VAV3: variants seen among roughly 807,000 people sequenced by gnomAD.
VAV3 encodes the protein vav guanine nucleotide exchange factor 3.
VAV3 carries 94 observed loss-of-function variants against 131.2 expected under a neutral mutation model. That is an observed-to-expected ratio of 0.72 (90% CI 0.61 to 0.85). The LOEUF (loss-of-function observed/expected upper bound fraction) is 0.85, where lower values mean the gene tolerates loss of function less well. Among genes scored for constraint, VAV3 ranks in the 40% least tolerant of loss-of-function variants. The pLI is 0.00. For synonymous variants in VAV3, 349 were observed against 342.0 expected, an observed-to-expected ratio of 1.02 and a Z score of -0.22; for missense variants, 939 against 1,002.7, an observed-to-expected ratio of 0.94 and a Z score of 0.86.
At chr1:107,882,920 C>G (rs1173372282) in intron 1 of VAV3, among the ~76,000 whole-genome samples, 2 of 151,782 alleles carry the variant, frequency 1.3e-5, no homozygotes, top group African/African-American at 4.8e-5. Flanking sequence ...AAATGATGAC[C>G]CTAAAGGACA....
At chr1:107,794,815 T>C (rs1666461179) in intron 2 of VAV3, among the ~76,000 whole-genome samples, 1 of 152,198 alleles carries the variant, frequency 6.6e-6, no homozygotes, top group African/African-American at 2.4e-5. Context: ...TCTGAGTATT[T>C]ACCAAGAACT....
At chr1:107,631,278 A>C (rs1478610946) in intron 20 of VAV3, among the ~76,000 whole-genome samples, 1 of 152,034 alleles carries the variant, frequency 6.6e-6, no homozygotes, top group Non-Finnish European at 1.5e-5. Flanking sequence ...CTAAACCTTT[A>C]TAACTAAAAT....
At position 107,597,384 on chromosome 1, in the gene VAV3, T is replaced by G. The variant is rs567799432; in HGVS notation, c.2221-1043A>C. On this transcript the variant is annotated intron_variant, in intron 24 of 26. Coordinates refer to ENST00000370056, the MANE Select transcript of VAV3 (RefSeq NM_006113.5). ...GAAGAAAAAGAGAATCATCAATGAT[T>G]TATTATTTATGACAAAACTTGAGTA... 3.3e-4 allele frequency among the ~76,000 whole-genome samples: 51 copies of G among 152,264 alleles called. No homozygotes were observed. In the South Asian group the frequency reaches 0.01, roughly 31 times the overall value.
chr1:107,744,834 C>G (rs1396216890), intron 15 of VAV3, among the ~76,000 whole-genome samples: 2 of 152,102 alleles, frequency 1.3e-5, no homozygotes, highest in African/African-American at 4.8e-5. Context: ...TACTTTAGCA[C>G]CCTTATGGAT....
intron 19 of VAV3, among the ~76,000 whole-genome samples, chr1:107,661,273 A>G (rs993360031): frequency 6.6e-6 from 1 of 152,154 alleles, no homozygotes; most frequent in African/African-American, 2.4e-5. Flanking sequence ...TGACATGTAC[A>G]CACAAGAGGT....
At chr1:107,680,702 G>A (rs2504450) in intron 19 of VAV3, among the ~76,000 whole-genome samples, 9,086 of 152,128 alleles carry the variant, frequency 0.06, 704 homozygotes, top group African/African-American at 0.18. Flanking sequence ...ATGAGCCAAC[G>A]CGCCTGGCCT....
chr1:107,930,652 A>T (rs1272363798), intron 1 of VAV3, among the ~76,000 whole-genome samples: 6 of 152,192 alleles, frequency 3.9e-5, no homozygotes, highest in Non-Finnish European at 5.9e-5. Flanking sequence ...ACCATTTTGC[A>T]AGTCCTAAAA....
chr1:107,749,582 T>A lies in VAV3; in HGVS notation c.1272A>T (p.Leu424Phe). 6.2e-7 allele frequency: 1 copy of A among 1,610,132 alleles called. No homozygotes were observed. Among genetic ancestry groups the A allele is most frequent in the Non-Finnish European group, 8.5e-7 (1 of 1,178,948 alleles). ...TACATACGATCACTGCCAAATCAAA[T>A]AAGAAGATATGCCTGGGAAAAAGAG... ...KHTKQERHIF[L>F]FDLAVIVCKR... is the part of the protein sequence containing the mutation. Residue 424 changes from leucine to phenylalanine, a missense_variant, in exon 14 of 27, where the codon TTA (leucine) becomes TTT (phenylalanine). Leu to Phe is a conservative substitution (Grantham distance 22, BLOSUM62 0). Coordinates refer to ENST00000370056, the MANE Select transcript of VAV3 (RefSeq NM_006113.5).
chr1:107,595,163 C>T (rs146204324), intron 25 of VAV3, among the ~76,000 whole-genome samples: 5 of 152,136 alleles, frequency 3.3e-5, no homozygotes, highest in East Asian at 1.9e-4. Flanking sequence ...ACATAAAGTT[C>T]GCTCTACTTT....
At chr1:107,890,672 CTTT>C (rs1393048647) in intron 1 of VAV3, among the ~76,000 whole-genome samples, 1 of 152,220 alleles carries the variant, frequency 6.6e-6, no homozygotes, top group African/African-American at 2.4e-5. Flanking sequence ...AGTCTGCCTT[CTTT>C]GAGTCATATG....
At chr1:107,609,611 A>G (rs1193863040) in intron 22 of VAV3, 1 of 228,342 alleles carries the variant, frequency 4.4e-6, no homozygotes, top group African/African-American at 2.3e-5. Context: ...CAATGAAAGC[A>G]TATTTTTCTC....
intron 2 of VAV3, among the ~76,000 whole-genome samples, chr1:107,783,222 T>A (rs1318235598): frequency 6.6e-6 from 1 of 152,072 alleles, no homozygotes; most frequent in East Asian, 1.9e-4. Context: ...GAAGGACCAT[T>A]GAGAAAGTGT....
intron 25 of VAV3, among the ~76,000 whole-genome samples, chr1:107,587,592 T>C (rs764373262): frequency 6.6e-5 from 10 of 152,212 alleles, no homozygotes; most frequent in Non-Finnish European, 8.8e-5. Context: ...CATGTATCTA[T>C]GTATGTAGTT....
At chr1:107,684,244 C>T (rs74533693) in intron 18 of VAV3, among the ~76,000 whole-genome samples, 1 of 152,224 alleles carries the variant, frequency 6.6e-6, no homozygotes, top group Non-Finnish European at 1.5e-5. Context: ...GCATTAAACT[C>T]ATTCCCACCT....
chr1:107,613,021 G>T (rs1023587524), intron 21 of VAV3, among the ~76,000 whole-genome samples: 1 of 152,022 alleles, frequency 6.6e-6, no homozygotes, highest in African/African-American at 2.4e-5. Context: ...TTGATATTTT[G>T]TCCACAAGTT....
intron 17 of VAV3, among the ~76,000 whole-genome samples, chr1:107,691,372 A>T (rs1372673011): frequency 5.3e-5 from 8 of 152,236 alleles, no homozygotes; most frequent in Admixed American, 3.9e-4. Context: ...TTTGGTATCC[A>T]CCTGAAACTA....
In VAV3 at chr1:107,874,280, A is replaced by G. The variant is rs149579348; in HGVS notation, c.321+621T>C. Among the ~76,000 whole-genome samples the G allele has an allele frequency of 4.4e-3, 675 of 152,316 alleles. 5 individuals carry two copies. Among genetic ancestry groups the G allele is most frequent in the African/African-American group, 0.015 (637 of 41,570 alleles). ...TGTTTCACTTATTATACATGTGTTT[A>G]GTGTGCATACGGATAACAGTAAATA... On this transcript the variant is annotated intron_variant, in intron 2 of 26. Transcript: ENST00000370056.
At chr1:107,910,721 T>C (rs1320375909) in intron 1 of VAV3, among the ~76,000 whole-genome samples, 1 of 152,040 alleles carries the variant, frequency 6.6e-6, no homozygotes, top group African/African-American at 2.4e-5. Flanking sequence ...GGCTCATGCC[T>C]GTAATCCCAG....
At chr1:107,665,409 A>G (rs984220599) in intron 19 of VAV3, among the ~76,000 whole-genome samples, 2 of 152,188 alleles carry the variant, frequency 1.3e-5, no homozygotes, top group East Asian at 1.9e-4. Context: ...TGTCAGTGAT[A>G]AAATATCCTT....
Sources: gnomAD v4.1 joint callset for allele counts (sites outside exome capture counted in the v4.1 genomes callset) on GRCh38, gnomAD v4.1.1 for gene constraint, MANE v1.5 for transcripts, NCBI Gene and HGNC (gene_info 2026-07-23, HGNC 2026-07-21) for gene names.